NOP9: variants seen among roughly 807,000 people sequenced by gnomAD.
The protein encoded by NOP9 is NOP9 nucleolar protein.
NOP9 carries 50 observed loss-of-function variants against 63.0 expected under a neutral mutation model. The ratio of observed to expected loss-of-function variants is 0.79; its 90% CI spans 0.63 to 1.00. NOP9 has a LOEUF of 1.00. Ranked by LOEUF, NOP9 falls within the 50% of genes least tolerant of loss-of-function variation. The pLI is 0.00. For synonymous variants in NOP9, 343 were observed against 332.8 expected, an observed-to-expected ratio of 1.03 and a Z score of -0.33; for missense variants, 758 against 803.0, an observed-to-expected ratio of 0.94 and a Z score of 0.68.
At chr14:24,296,465 CTAAG>C (rs1223776926), upstream of NOP9, 6 of 1,602,224 alleles carry the variant, frequency 3.7e-6, no homozygotes, top group Non-Finnish European at 5.1e-6. Flanking sequence ...GTCGAGTTGG[CTAAG>C]TGAGTGAGGG....
Position 24,307,950 on chromosome 14 carries a change from G to A in NOP9, c.*2855G>A. ...AGTGGTGTTTTCTGTTACAAACCTG[G>A]GATCTCAGCCCAGGACAAGGTGGGA... is the stretch of plus-strand genomic sequence containing the variant. On this transcript the variant is annotated 3_prime_UTR_variant, in exon 10 of 10. Coordinates refer to ENST00000267425, the MANE Select transcript of NOP9 (RefSeq NM_174913.3). 8.4e-7 allele frequency: 1 copy of A among 1,195,506 alleles called. No homozygotes were observed. Among genetic ancestry groups the A allele is most frequent in the South Asian group, 1.3e-5 (1 of 76,500 alleles). 74.1% of individuals were successfully genotyped at this position (1,195,506 alleles called of 1,614,324 possible). A position where few individuals can be genotyped will look rare whatever the true frequency, so the allele number is the denominator to read the frequency against.
At chr14:24,300,383 A>G (rs777139996) in intron 1 of NOP9, 25 bp from the exon 2 acceptor site, 14 of 1,598,782 alleles carry the variant, frequency 8.8e-6, no homozygotes, top group South Asian at 5.6e-5. Context: ...AGTCTCTTCA[A>G]AGTGTGTCTT....
the NOP9 span, among the ~76,000 whole-genome samples, chr14:24,273,042 C>G: frequency 6.6e-6 from 1 of 152,174 alleles, no homozygotes; most frequent in Non-Finnish European, 1.5e-5. Context: ...CTGGTGGAGC[C>G]TTTATGAGGT....
chr14:24,289,218 G>A, the NOP9 span, among the ~76,000 whole-genome samples: 339 of 152,146 alleles, frequency 2.2e-3, 8 homozygotes, highest in Admixed American at 0.019. Flanking sequence ...TCCTGACCTC[G>A]TGATCCACCT....
chr14:24,284,538 C>A, the NOP9 span, among the ~76,000 whole-genome samples: 4 of 150,732 alleles, frequency 2.7e-5, no homozygotes, highest in African/African-American at 9.8e-5. Context: ...CAGGGGAGTG[C>A]GCTTGGTGGG....
intron 9 of NOP9, 128 bp from the exon 10 acceptor site, chr14:24,304,810 T>C: frequency 8.7e-7 from 1 of 1,149,788 alleles, no homozygotes; most frequent in Non-Finnish European, 1.2e-6. Flanking sequence ...TTCTGTTCTT[T>C]GGAAAGTGAA....
At chr14:24,301,819 T>A in intron 3 of NOP9, 97 bp downstream of exon 3, 6 of 1,498,666 alleles carry the variant, frequency 4.0e-6, no homozygotes, top group Non-Finnish European at 5.6e-6. Context: ...CCTCTTCTTT[T>A]CAAACCTGGT....
chr14:24,278,968 C>G, the NOP9 span, among the ~76,000 whole-genome samples: 1 of 152,134 alleles, frequency 6.6e-6, no homozygotes, highest in East Asian at 1.9e-4. Context: ...TCTTTCAACT[C>G]CTGGAATAGA....
the NOP9 span, among the ~76,000 whole-genome samples, chr14:24,280,834 C>T: frequency 1.3e-5 from 2 of 152,176 alleles, no homozygotes; most frequent in Admixed American, 6.5e-5. Context: ...GGCACCCACC[C>T]ACTGGGCTGG....
chr14:24,304,303 T>G, intron 8 of NOP9, 26 bp downstream of exon 8: 1 of 1,572,466 alleles, frequency 6.4e-7, no homozygotes, highest in Non-Finnish European at 8.7e-7. Flanking sequence ...TTTGCCTTGA[T>G]TCCCCACCAT....
chr14:24,302,818 T>A (rs369112161), intron 5 of NOP9, among the ~76,000 whole-genome samples: 3 of 152,336 alleles, frequency 2.0e-5, no homozygotes, highest in African/African-American at 7.2e-5. Context: ...AAGTGCAGTT[T>A]AATTTTAGTC....
Position 24,305,419 on chromosome 14 carries a change from TG to T in NOP9, c.*326del. On this transcript the variant is annotated 3_prime_UTR_variant, in exon 10 of 10. Transcript: ENST00000267425. ...CAGGGCAAGTGGGAGGCCAGAAAGG[TG>T]GCTAGGAAAGAACAGCATTCTTCAG... The T allele has an allele frequency of 1.6e-6, 1 of 622,216 alleles. No homozygotes were observed. 38.5% of individuals were successfully genotyped at this position (622,216 alleles called of 1,614,324 possible).
upstream of NOP9, chr14:24,299,726 G>T: frequency 1.9e-6 from 1 of 514,658 alleles, no homozygotes; most frequent in Non-Finnish European, 3.4e-6. Context: ...TGCTGAGGTA[G>T]AGGGGCAGAG....
chr14:24,302,210 C>T (rs2041390722), intron 4 of NOP9, 22 bp from the exon 5 acceptor site: 1 of 1,604,784 alleles, frequency 6.2e-7, no homozygotes, highest in African/African-American at 1.3e-5. Context: ...TTAAGACTGC[C>T]TGATGCCCTT....
At chr14:24,292,416 C>T in the NOP9 span, 3 of 1,570,542 alleles carry the variant, frequency 1.9e-6, no homozygotes, top group Non-Finnish European at 2.6e-6. Flanking sequence ...GTGAATGCTC[C>T]ACCCACCCTG....
At chr14:24,302,930 T>A in intron 5 of NOP9, 144 bp from the exon 6 acceptor site, 1 of 997,244 alleles carries the variant, frequency 1.0e-6, no homozygotes, top group East Asian at 2.9e-5. Flanking sequence ...CTGGGCCTTA[T>A]CTAGCCAAAC....
rs2041472285 is a variant in NOP9 at position 24,305,571 on chromosome 14, G to A, written c.*476G>A. 2 of 1,550,954 alleles carry A rather than the reference G, an allele frequency of 1.3e-6. No individual in the cohort carries two copies. The highest frequency in any genetic ancestry group is 4.0e-5 in the Admixed American group (2 of 50,368). On this transcript the variant is annotated 3_prime_UTR_variant, in exon 10 of 10. Coordinates refer to ENST00000267425, the MANE Select transcript of NOP9 (RefSeq NM_174913.3). The stretch of plus-strand genomic sequence containing the variant: ...CTGTCTGCAGGTCCTGAAATTTGAT[G>A]CTGTCATAGTCTTTGCAGTGGGTCG...
chr14:24,299,943 C>A lies in NOP9; in HGVS notation c.-12C>A, dbSNP rs370434655. The stretch of plus-strand genomic sequence containing the variant: ...AGGAAGCTTTTGCAGCCGGACAGGT[C>A]GCGAAGCACACATGGGGCAGGGTCC... On this transcript the variant is annotated 5_prime_UTR_variant, in exon 1 of 10. Transcript: ENST00000267425. The A allele has an allele frequency of 9.2e-6, 14 of 1,524,886 alleles. No individual in the cohort carries two copies. Among genetic ancestry groups the A allele is most frequent in the Non-Finnish European group, 1.2e-5 (14 of 1,137,542 alleles). 94.5% of individuals were successfully genotyped at this position (1,524,886 alleles called of 1,614,324 possible). A position where few individuals can be genotyped will look rare whatever the true frequency, so the allele number is the denominator to read the frequency against.
the NOP9 span, chr14:24,271,356 G>C: frequency 2.4e-6 from 1 of 420,112 alleles, no homozygotes; most frequent in East Asian, 3.5e-5. Flanking sequence ...CCTTCCTATA[G>C]CCCGATTCGC....
Sources: gnomAD v4.1 joint callset for allele counts (sites outside exome capture counted in the v4.1 genomes callset) on GRCh38, gnomAD v4.1.1 for gene constraint, MANE v1.5 for transcripts, NCBI Gene and HGNC (gene_info 2026-07-23, HGNC 2026-07-21) for gene names.